Variants in LUZP2 observed in about 807,000 individuals in gnomAD.
LUZP2 encodes leucine zipper protein 2.
A neutral mutation model predicts 51.6 loss-of-function variants in LUZP2; 52 were observed. That is an observed-to-expected ratio of 1.01 (90% CI 0.81 to 1.27). LUZP2 has a LOEUF of 1.27. Among genes scored for constraint, LUZP2 ranks in the 50% most tolerant of loss-of-function variants. The probability of loss-of-function intolerance (pLI) is 0.00; values close to 1 mark genes in which losing one functional copy is unlikely to be tolerated. For synonymous variants in LUZP2, 154 were observed against 137.3 expected, an observed-to-expected ratio of 1.12 and a Z score of -0.85; for missense variants, 436 against 395.4, an observed-to-expected ratio of 1.10 and a Z score of -0.87.
chr11:24,652,670 A>G (rs1855664696), intron 1 of LUZP2, among the ~76,000 whole-genome samples: 1 of 152,158 alleles, frequency 6.6e-6, no homozygotes, highest in South Asian at 2.1e-4. Flanking sequence ...GATTTATAAT[A>G]ATCTCATAAG....
intron 1 of LUZP2, among the ~76,000 whole-genome samples, chr11:24,515,669 A>G (rs763903643): frequency 2.0e-5 from 3 of 152,178 alleles, no homozygotes; most frequent in Non-Finnish European, 4.4e-5. Flanking sequence ...TGCTTGGGAA[A>G]ACAAATTCCA....
chr11:24,654,630 CCCCCA>C (rs1166368280), intron 1 of LUZP2, among the ~76,000 whole-genome samples: 5 of 148,464 alleles, frequency 3.4e-5, no homozygotes, highest in African/African-American at 1.2e-4. Context: ...AGCACTCCCA[CCCCCA>C]CCCCACCCAC....
intron 1 of LUZP2, among the ~76,000 whole-genome samples, chr11:24,720,422 T>C (rs1050004432): frequency 6.6e-6 from 1 of 152,208 alleles, no homozygotes; most frequent in Non-Finnish European, 1.5e-5. Flanking sequence ...ATTATTTTGA[T>C]AGTGTGAGAT....
intron 1 of LUZP2, among the ~76,000 whole-genome samples, chr11:24,618,135 C>T (rs1854355401): frequency 6.6e-6 from 1 of 152,118 alleles, no homozygotes. Flanking sequence ...TGATACCACT[C>T]AGGGGATGGG....
intron 1 of LUZP2, among the ~76,000 whole-genome samples, chr11:24,499,131 T>C (rs1849914341): frequency 6.6e-6 from 1 of 152,218 alleles, no homozygotes; most frequent in African/African-American, 2.4e-5. Context: ...TATTTCACTT[T>C]AGCTTTGAAA....
chr11:24,825,374 G>T (rs61875885), intron 5 of LUZP2, among the ~76,000 whole-genome samples: 24,192 of 151,918 alleles, frequency 0.16, 1,987 homozygotes, highest in South Asian at 0.19. Context: ...CAATCACTTT[G>T]TACTCCATTT....
intron 1 of LUZP2, among the ~76,000 whole-genome samples, chr11:24,725,105 C>T (rs989564601): frequency 2.6e-5 from 4 of 152,062 alleles, no homozygotes; most frequent in Non-Finnish European, 5.9e-5. Context: ...AATTGACATG[C>T]TTATTCTAAA....
At chr11:24,642,492 T>C (rs78680742) in intron 1 of LUZP2, among the ~76,000 whole-genome samples, 2,837 of 152,044 alleles carry the variant, frequency 0.019, 155 homozygotes, top group African/African-American at 0.064. Flanking sequence ...AATACATTTT[T>C]ATTTGAGTAA....
intron 4 of LUZP2, among the ~76,000 whole-genome samples, chr11:24,745,065 T>C (rs755645100): frequency 2.0e-5 from 3 of 152,180 alleles, no homozygotes; most frequent in Non-Finnish European, 4.4e-5. Context: ...CACTGTGGTC[T>C]GAGAGAGTGT....
intron 5 of LUZP2, among the ~76,000 whole-genome samples, chr11:24,783,277 C>T (rs1849144295): frequency 6.6e-6 from 1 of 151,720 alleles, no homozygotes; most frequent in Admixed American, 6.6e-5. Context: ...TTCTTCTTTT[C>T]TAGATAAGAT....
intron 5 of LUZP2, among the ~76,000 whole-genome samples, chr11:24,897,390 G>A (rs189745409): frequency 1.1e-4 from 17 of 152,280 alleles, no homozygotes; most frequent in African/African-American, 3.6e-4. Flanking sequence ...TTGGGTCTGC[G>A]TTGTTTTTAT....
intron 5 of LUZP2, among the ~76,000 whole-genome samples, chr11:24,829,044 T>C (rs1487861467): frequency 6.6e-6 from 1 of 152,130 alleles, no homozygotes; most frequent in Non-Finnish European, 1.5e-5. Flanking sequence ...CCCTGTTAGT[T>C]TCCTTCAGGA....
chr11:24,898,149 T>C (rs907095616), intron 5 of LUZP2, among the ~76,000 whole-genome samples: 6 of 152,186 alleles, frequency 3.9e-5, no homozygotes, highest in Non-Finnish European at 8.8e-5. Flanking sequence ...ATATTTGGTA[T>C]ATCTGTGAGA....
chr11:24,824,389 A>T (rs1850461968), intron 5 of LUZP2, among the ~76,000 whole-genome samples: 1 of 148,966 alleles, frequency 6.7e-6, no homozygotes. Context: ...AAAAAAAAAA[A>T]AAAATGAGTG....
chr11:24,848,130 T>G (rs1851261012), intron 5 of LUZP2, among the ~76,000 whole-genome samples: 1 of 129,406 alleles, frequency 7.7e-6, no homozygotes, highest in African/African-American at 3.1e-5. Context: ...CAAACAGGAC[T>G]AATATATGAT....
chr11:24,983,032 G>T, intron 8 of LUZP2, 94 bp from the exon 9 acceptor site: 3 of 1,168,240 alleles, frequency 2.6e-6, no homozygotes, highest in East Asian at 2.4e-5. Context: ...ATGTATTTTT[G>T]TGGGGAGTAT....
intron 1 of LUZP2, among the ~76,000 whole-genome samples, chr11:24,569,207 TG>T (rs1852345686): frequency 6.6e-6 from 1 of 152,096 alleles, no homozygotes; most frequent in Non-Finnish European, 1.5e-5. Context: ...AATCTGCATT[TG>T]TATCTACATC....
chr11:24,913,196 T>C (rs1853692860), intron 6 of LUZP2, among the ~76,000 whole-genome samples: 1 of 152,244 alleles, frequency 6.6e-6, no homozygotes, highest in Non-Finnish European at 1.5e-5. Context: ...CATCCCCATG[T>C]CAACTACTAA....
At chr11:24,770,139 C>T (rs1860354386) in intron 5 of LUZP2, among the ~76,000 whole-genome samples, 1 of 152,126 alleles carries the variant, frequency 6.6e-6, no homozygotes. Flanking sequence ...TTTCAAAACA[C>T]CCTTTCTGTA....
Sources: allele counts gnomAD v4.1 joint callset (sites outside exome capture counted in the v4.1 genomes callset), GRCh38; gene constraint gnomAD v4.1.1; transcripts MANE v1.5; gene names NCBI Gene and HGNC (gene_info 2026-07-23, HGNC 2026-07-21).